The following MPPED2 variants were observed in gnomAD, a reference collection of about 807,000 sequenced individuals.
MPPED2 encodes metallophosphoesterase MPPED2.
MPPED2 carries 5 observed loss-of-function variants against 33.0 expected under a neutral mutation model. The observed-to-expected ratio is 0.15, with a 90% CI of 0.08 to 0.32. MPPED2 has a LOEUF of 0.32. Ranked by LOEUF, MPPED2 falls within the 10% of genes least tolerant of loss-of-function variation. MPPED2 has a pLI of 1.00. For synonymous variants in MPPED2, 136 were observed against 141.9 expected, an observed-to-expected ratio of 0.96 and a Z score of 0.29; for missense variants, 275 against 372.1, an observed-to-expected ratio of 0.74 and a Z score of 2.15.
chr11:30,492,719 A>G (rs1398465033), intron 4 of MPPED2, among the ~76,000 whole-genome samples: 1 of 134,360 alleles, frequency 7.4e-6, no homozygotes, highest in East Asian at 2.3e-4. Context: ...CTTACTAAAT[A>G]AAGCTAGGTA....
At chr11:30,545,618 A>C (rs1281510503) in intron 2 of MPPED2, among the ~76,000 whole-genome samples, 1 of 152,164 alleles carries the variant, frequency 6.6e-6, no homozygotes, top group Non-Finnish European at 1.5e-5. Flanking sequence ...CTTTACATGG[A>C]TCACTTTCAT....
At chr11:30,418,765 A>T (rs1948482815) in intron 4 of MPPED2, among the ~76,000 whole-genome samples, 1 of 152,230 alleles carries the variant, frequency 6.6e-6, no homozygotes, top group Non-Finnish European at 1.5e-5. Flanking sequence ...AATCAAATGG[A>T]GTGCACACTT....
In MPPED2 at chr11:30,415,110, C is replaced by T. The variant is rs118023682; in HGVS notation, c.653-769G>A. The stretch of plus-strand genomic sequence containing the variant: ...AGGCAGGTAGGATGAAAGGCTAAAT[C>T]GTAATCTCTGGAAACCCATTCCACA... On this transcript the variant is annotated intron_variant, in intron 5 of 6. Coordinates refer to ENST00000358117, the MANE Select transcript of MPPED2 (RefSeq NM_001584.3). Among the ~76,000 whole-genome samples the T allele has an allele frequency of 3.7e-3, 562 of 152,240 alleles. 1 individual carries two copies. The highest frequency in any genetic ancestry group is 6.9e-3 in the Non-Finnish European group (466 of 67,996).
chr11:30,536,244 A>G (rs1224248265), intron 2 of MPPED2, 69 bp from the exon 3 acceptor site: 5 of 1,323,738 alleles, frequency 3.8e-6, no homozygotes, highest in African/African-American at 1.5e-5. Flanking sequence ...CGTCGCACAT[A>G]CATATTTATT....
In MPPED2 at chr11:30,411,075, CTT is replaced by C; in HGVS notation, c.*391_*392del. 1 of 987,584 alleles carries C rather than the reference CTT, an allele frequency of 1.0e-6. No individual in the cohort carries two copies. The highest frequency in any genetic ancestry group is 1.2e-6 in the Non-Finnish European group (1 of 831,094). The allele number at this position is 987,584 out of a possible 1,614,324, so 61.2% of individuals were successfully genotyped here. ...AAATTAAAATATTTCAAACAATACT[CTT>C]AAACAGTTGTGCAAATCTGTGTTGG... On this transcript the variant is annotated 3_prime_UTR_variant, in exon 7 of 7. Transcript: ENST00000358117.
intron 3 of MPPED2, chr11:30,504,631 C>G: frequency 2.0e-6 from 1 of 495,660 alleles, no homozygotes; most frequent in Middle Eastern, 3.5e-4. Context: ...TACAAAACCA[C>G]CAGAAACATT....
intron 4 of MPPED2, among the ~76,000 whole-genome samples, chr11:30,480,515 G>C (rs144871173): frequency 1.1e-4 from 16 of 152,130 alleles, no homozygotes; most frequent in Middle Eastern, 3.4e-3. Context: ...ATACACTCTT[G>C]TTAACTAACA....
chr11:30,411,728 C>G (rs568458119), intron 6 of MPPED2, 142 bp from the exon 7 acceptor site: 1 of 483,072 alleles, frequency 2.1e-6, no homozygotes, highest in Admixed American at 3.9e-5. Context: ...GATATAATGA[C>G]TTTCAGAAGC....
chr11:30,527,217 A>C (rs1354767215), intron 3 of MPPED2, among the ~76,000 whole-genome samples: 26 of 152,074 alleles, frequency 1.7e-4, no homozygotes, highest in Admixed American at 1.7e-3. Flanking sequence ...GGTGTGAGCC[A>C]CCGCGCCCGG....
At chr11:30,468,693 T>A (rs1238578998) in intron 4 of MPPED2, among the ~76,000 whole-genome samples, 3 of 152,304 alleles carry the variant, frequency 2.0e-5, no homozygotes, top group African/African-American at 7.2e-5. Flanking sequence ...TGTGTGTGTG[T>A]AACACAATCA....
In MPPED2 at chr11:30,516,529, G is replaced by A. The variant is rs114571664; in HGVS notation, c.310+19465C>T. On this transcript the variant is annotated intron_variant, in intron 3 of 6. Transcript: ENST00000358117. The stretch of plus-strand genomic sequence containing the variant: ...GCTGGTAGCAAGAAGCAGGAGGCAC[G>A]GCTTAGGAAGCTGCCCATTTTTCTT... Among the ~76,000 whole-genome samples, 1,261 of 152,200 alleles carry A rather than the reference G, an allele frequency of 8.3e-3. 18 individuals carry two copies. Among genetic ancestry groups the A allele is most frequent in the African/African-American group, 0.028 (1,174 of 41,532 alleles).
At chr11:30,477,721 T>C (rs1441719740) in intron 4 of MPPED2, among the ~76,000 whole-genome samples, 1 of 152,136 alleles carries the variant, frequency 6.6e-6, no homozygotes, top group Non-Finnish European at 1.5e-5. Context: ...ATGCTGGCTA[T>C]AAAACATGTT....
downstream of MPPED2, chr11:30,410,142 C>T: frequency 1.0e-6 from 1 of 985,312 alleles, no homozygotes; most frequent in Non-Finnish European, 1.2e-6. Flanking sequence ...AAAGGCATTA[C>T]TGATGTTGCA....
intron 2 of MPPED2, among the ~76,000 whole-genome samples, chr11:30,551,878 A>G (rs1955730317): frequency 6.6e-6 from 1 of 152,234 alleles, no homozygotes; most frequent in Non-Finnish European, 1.5e-5. Context: ...TATGAAGAAG[A>G]AGTAATGAGA....
intron 3 of MPPED2, among the ~76,000 whole-genome samples, chr11:30,529,541 G>GTC (rs1954397316): frequency 6.6e-6 from 1 of 152,074 alleles, no homozygotes; most frequent in South Asian, 2.1e-4. Context: ...GTGTGTGTGT[G>GTC]TGTATTTATA....
intron 4 of MPPED2, among the ~76,000 whole-genome samples, chr11:30,488,607 G>A (rs1304896959): frequency 6.6e-6 from 1 of 152,158 alleles, no homozygotes; most frequent in African/African-American, 2.4e-5. Context: ...CAAAGTGATC[G>A]GTTTTGCTTT....
chr11:30,449,936 G>T (rs948833021), intron 4 of MPPED2, among the ~76,000 whole-genome samples: 1 of 152,084 alleles, frequency 6.6e-6, no homozygotes, highest in Admixed American at 6.6e-5. Flanking sequence ...CCTCTGTCTA[G>T]TCATATCTCC....
intron 2 of MPPED2, among the ~76,000 whole-genome samples, chr11:30,544,187 T>A (rs374677155): frequency 6.6e-6 from 1 of 152,210 alleles, no homozygotes; most frequent in African/African-American, 2.4e-5. Flanking sequence ...AACTACCGTG[T>A]CAGCCACTGA....
chr11:30,509,704 A>G (rs557177679), intron 3 of MPPED2, among the ~76,000 whole-genome samples: 2 of 152,312 alleles, frequency 1.3e-5, no homozygotes, highest in South Asian at 4.1e-4. Context: ...CCAACAGAAA[A>G]TCAAGGGACA....
Sources: allele counts gnomAD v4.1 joint callset (sites outside exome capture counted in the v4.1 genomes callset), GRCh38; gene constraint gnomAD v4.1.1; transcripts MANE v1.5; gene names NCBI Gene and HGNC (gene_info 2026-07-23, HGNC 2026-07-21).